Variants in SPATA13 observed in about 807,000 individuals in gnomAD.
The protein encoded by SPATA13 is spermatogenesis associated 13, also known as spermatogenesis-associated protein 13.
A neutral mutation model predicts 104.0 loss-of-function variants in SPATA13; 50 were observed. The observed-to-expected ratio is 0.48, with a 90% CI of 0.38 to 0.61. SPATA13 has a LOEUF of 0.61. SPATA13 is among the 20% of genes least tolerant of loss of function. SPATA13 has a pLI of 0.00. For synonymous variants in SPATA13, 606 were observed against 667.5 expected (o/e 0.91, Z 1.42); for missense variants, 1,524 against 1,690.6 (o/e 0.90, Z 1.73).
rs992680265 is a variant in SPATA13, at chr13:24,085,645, C to T, written c.-112+67944C>T. 2.6e-5 allele frequency among the ~76,000 whole-genome samples: 4 copies of T among 152,222 alleles called. No individual in the cohort carries two copies. In the East Asian group the frequency reaches 7.7e-4, roughly 29 times the overall value. On this transcript the variant is annotated intron_variant, in intron 3 of 14. Transcript: ENST00000424834. ...GACTTTGCCTTTACCTGACTTTACT[C>T]ACTTCCATGTGGCCCGACTCCCTTT... is the stretch of plus-strand genomic sequence containing the variant.
In SPATA13 at chr13:24,247,285, G is replaced by A. The variant is rs534191336; in HGVS notation, c.1654-2192G>A. 8.5e-5 allele frequency among the ~76,000 whole-genome samples: 13 copies of A among 152,232 alleles called. No homozygotes were observed. The South Asian group carries it at 1.9e-3, about 22-fold the overall frequency. Reference sequence around the variant, plus strand: ...GGATTGTCTTTTGAGCAGAGGTGACGTGGCATTGCAGGAAAACTTTTGGAA... The same window carrying A: ...GGATTGTCTTTTGAGCAGAGGTGACATGGCATTGCAGGAAAACTTTTGGAA... On this transcript the variant is annotated intron_variant, in intron 2 of 12. Transcript: ENST00000382108.
chr13:24,302,555 C>T (rs371196530), intron 12 of SPATA13, 43 bp from the exon 13 acceptor site: 50 of 1,405,662 alleles, frequency 3.6e-5, no homozygotes, highest in Non-Finnish European at 4.3e-5. Context: ...GGTTAACAAG[C>T]GACCCTCAGT....
intron 5 of SPATA13, among the ~76,000 whole-genome samples, chr13:24,285,492 GGCCTGCCT>G (rs561825826): frequency 6.6e-6 from 1 of 151,080 alleles, no homozygotes; most frequent in African/African-American, 2.5e-5. Context: ...TTTAAAAAGG[GGCCTGCCT>G]GCCTGCCTGC....
intron 3 of SPATA13, among the ~76,000 whole-genome samples, chr13:24,052,404 A>G (rs577932538): frequency 6.3e-4 from 96 of 152,340 alleles, no homozygotes; most frequent in African/African-American, 2.1e-3. Flanking sequence ...ACAAACTATT[A>G]TTTAAAAAAT....
intron 3 of SPATA13, among the ~76,000 whole-genome samples, chr13:24,021,480 G>A (rs1055804210): frequency 4.6e-5 from 7 of 152,288 alleles, no homozygotes; most frequent in African/African-American, 9.6e-5. Context: ...GTGACAGAAC[G>A]AGACCTTGTC....
At chr13:24,287,837 C>T (rs1449737659) in intron 7 of SPATA13, among the ~76,000 whole-genome samples, 3 of 152,204 alleles carry the variant, frequency 2.0e-5, no homozygotes, top group South Asian at 2.1e-4. Flanking sequence ...GGATTGTGTA[C>T]GAGCATCACA....
chr13:24,136,355 AATCCCAGCTACTCGGGAG>A (rs1305709141), intron 3 of SPATA13, among the ~76,000 whole-genome samples: 1 of 152,166 alleles, frequency 6.6e-6, no homozygotes, highest in African/African-American at 2.4e-5. Flanking sequence ...GCATGCCTGT[AATCCCAGCTACTCGGGAG>A]GCTGGGGCAG....
intron 3 of SPATA13, among the ~76,000 whole-genome samples, chr13:24,021,121 T>C (rs1372446076): frequency 6.6e-6 from 1 of 152,124 alleles, no homozygotes; most frequent in African/African-American, 2.4e-5. Context: ...GAACACAATA[T>C]ATAAGGAAGG....
chr13:24,230,637 G>A (rs904665233), intron 2 of SPATA13, among the ~76,000 whole-genome samples: 1 of 152,210 alleles, frequency 6.6e-6, no homozygotes, highest in African/African-American at 2.4e-5. Context: ...ACATAGGATC[G>A]TTGTGCAGAT....
In SPATA13 at chr13:24,277,194, T is replaced by C. The variant is rs112867560; in HGVS notation, c.2165-6941T>C. Among the ~76,000 whole-genome samples, 260 of 152,144 alleles carry C rather than the reference T, an allele frequency of 1.7e-3. 1 individual carries two copies. Among genetic ancestry groups the C allele is most frequent in the African/African-American group, 4.8e-3 (200 of 41,514 alleles). ...GCGCGGTGGCTTACGCCTGTAATCC[T>C]AGCACTTTGGGAGGCCGAGGCGGGC... On this transcript the variant is annotated intron_variant, in intron 4 of 12. Transcript: ENST00000382108.
chr13:24,149,637 G>C (rs1882038173), intron 3 of SPATA13, among the ~76,000 whole-genome samples: 1 of 152,236 alleles, frequency 6.6e-6, no homozygotes, highest in Non-Finnish European at 1.5e-5. Context: ...GCAGCGTCCT[G>C]AATTTGGAGC....
intron 2 of SPATA13, among the ~76,000 whole-genome samples, chr13:24,231,401 T>C (rs1427149153): frequency 6.6e-6 from 1 of 152,228 alleles, no homozygotes; most frequent in Non-Finnish European, 1.5e-5. Flanking sequence ...AACCTTGTTT[T>C]CAAGGTTTGT....
At chr13:24,040,781 T>C (rs1358600214) in intron 3 of SPATA13, among the ~76,000 whole-genome samples, 1 of 152,206 alleles carries the variant, frequency 6.6e-6, no homozygotes, top group African/African-American at 2.4e-5. Flanking sequence ...CTGAGGCTCT[T>C]CTCTTCAGCT....
intron 12 of SPATA13, 124 bp downstream of exon 12, chr13:24,300,599 CAAG>C: frequency 1.2e-6 from 1 of 855,798 alleles, no homozygotes; most frequent in Non-Finnish European, 1.9e-6. Context: ...AGTTAGAACT[CAAG>C]GGCAGGTCCA....
intron 3 of SPATA13, among the ~76,000 whole-genome samples, chr13:24,030,720 G>T (rs938765619): frequency 1.3e-5 from 2 of 152,062 alleles, no homozygotes; most frequent in African/African-American, 4.8e-5. Context: ...AACCATACAT[G>T]TTTAAGGGTT....
At chr13:24,030,008 G>A (rs1233956571) in intron 3 of SPATA13, among the ~76,000 whole-genome samples, 1 of 151,820 alleles carries the variant, frequency 6.6e-6, no homozygotes, top group African/African-American at 2.4e-5. Context: ...GCAAAATTGA[G>A]TGGAAAGTAG....
chr13:24,006,576 T>C (rs1311125831), intron 2 of SPATA13, among the ~76,000 whole-genome samples: 1 of 152,158 alleles, frequency 6.6e-6, no homozygotes, highest in Non-Finnish European at 1.5e-5. Flanking sequence ...GCCCAAGTAC[T>C]AATTCATCAC....
Position 24,294,826 on chromosome 13 carries a change from C to T in SPATA13, c.3168C>T (p.Ile1056=), listed in dbSNP as rs765115372. The part of the protein sequence containing the change: ...INERKRKLES[I]DKIARWQVSI... Reference sequence around the variant, plus strand: ...AGCGCAAGCGCAAGCTGGAGAGCATCGACAAGATAGCTCGCTGGCAGGTGT... The same window carrying T: ...AGCGCAAGCGCAAGCTGGAGAGCATTGACAAGATAGCTCGCTGGCAGGTGT... Residue 1056 remains isoleucine, a synonymous_variant, in exon 10 of 13, where the codon ATC becomes ATT. Transcript: ENST00000382108. 10 of 1,611,188 alleles carry T rather than the reference C, an allele frequency of 6.2e-6. No homozygotes were observed. The highest frequency in any genetic ancestry group is 2.2e-5 in the East Asian group (1 of 44,778).
At position 24,083,834 on chromosome 13, in the gene SPATA13, G is replaced by A. The variant is rs181200047; in HGVS notation, c.-112+66133G>A. ...ATAAAGCTCTAACTGCTCATTTCCC[G>A]GCTGCTCCTTCCCTTGTCACTGGGG... On this transcript the variant is annotated intron_variant, in intron 3 of 14. Transcript: ENST00000424834. Among the ~76,000 whole-genome samples the A allele has an allele frequency of 1.2e-4, 19 of 152,242 alleles. 1 individual carries two copies. The highest frequency in any genetic ancestry group is 1.0e-3 in the Admixed American group (16 of 15,288).
Sources: gnomAD v4.1 joint callset for allele counts (sites outside exome capture counted in the v4.1 genomes callset) on GRCh38, gnomAD v4.1.1 for gene constraint, MANE v1.5 for transcripts, NCBI Gene and HGNC (gene_info 2026-07-23, HGNC 2026-07-21) for gene names.